The following PPIG variants were observed in gnomAD, a reference collection of about 807,000 sequenced individuals.
PPIG encodes the protein peptidyl-prolyl cis-trans isomerase G.
Under a neutral mutation model 87.9 loss-of-function variants are expected in PPIG, and 26 were observed. That is an observed-to-expected ratio of 0.30 (90% CI 0.22 to 0.41). The LOEUF (loss-of-function observed/expected upper bound fraction) is 0.41. PPIG is among the 10% of genes least tolerant of loss of function. The pLI is 1.00. For synonymous variants in PPIG, 308 were observed against 276.5 expected, an observed-to-expected ratio of 1.11 and a Z score of -1.13; for missense variants, 722 against 879.4, an observed-to-expected ratio of 0.82 and a Z score of 2.26.
chr2:169,591,501 G>A (rs1026116612), intron 1 of PPIG, among the ~76,000 whole-genome samples: 1 of 152,034 alleles, frequency 6.6e-6, no homozygotes, highest in Admixed American at 6.6e-5. Context: ...TGTGCATTTT[G>A]TATGATTAAT....
At chr2:169,620,009 T>A (rs1250093691) in intron 9 of PPIG, among the ~76,000 whole-genome samples, 1 of 152,178 alleles carries the variant, frequency 6.6e-6, no homozygotes, top group Non-Finnish European at 1.5e-5. Flanking sequence ...TTTGCAAATA[T>A]TTTCTCCCAT....
chr2:169,621,590 T>G (rs1685753542), intron 9 of PPIG, among the ~76,000 whole-genome samples: 1 of 152,074 alleles, frequency 6.6e-6, no homozygotes, highest in Admixed American at 6.5e-5. Context: ...AAATCTGTAA[T>G]GATGTTTGTT....
rs552776677 is a variant in PPIG, at chr2:169,636,624, G to A, written c.1366G>A (p.Ala456Thr). ...GTATAAAAACAAAGTGAAGAAAAGG[G>A]CCAAATCTAAAAGTAGGAGTAAGAG... ...DKYKNKVKKR[A>T]KSKSRSKSKE... Residue 456 changes from alanine (A) to threonine (T), a missense_variant, in exon 14 of 14, where the codon GCC becomes ACC. By Grantham distance (58) the Ala-to-Thr change is moderately conservative (BLOSUM62 0). Around this residue, in one of 4 missense-constraint regions of PPIG, gnomAD observed 476 missense variants for 483.1 expected, o/e 0.99. Coordinates refer to ENST00000260970, the MANE Select transcript of PPIG (RefSeq NM_004792.3). The A allele has an allele frequency of 6.3e-7, 1 of 1,594,306 alleles. No individual in the cohort carries two copies. Among genetic ancestry groups the A allele is most frequent in the East Asian group, 2.2e-5 (1 of 44,732 alleles).
chr2:169,610,972 G>A (rs920748154), intron 7 of PPIG, among the ~76,000 whole-genome samples: 4 of 152,150 alleles, frequency 2.6e-5, no homozygotes, highest in East Asian at 1.9e-4. Context: ...TTGGGAAGCC[G>A]AGGTGGCGGG....
intron 12 of PPIG, among the ~76,000 whole-genome samples, chr2:169,635,403 T>G (rs1053756165): frequency 2.0e-5 from 3 of 152,232 alleles, no homozygotes; most frequent in Non-Finnish European, 4.4e-5. Context: ...ATGTTTCTTC[T>G]TAACTCAGAA....
chr2:169,587,046 G>T (rs937279299), intron 1 of PPIG, among the ~76,000 whole-genome samples: 1 of 151,984 alleles, frequency 6.6e-6, no homozygotes, highest in African/African-American at 2.4e-5. Context: ...GGATTCTCAC[G>T]CCTCAGCCTC....
At chr2:169,634,313 C>T (rs1417948878) in intron 12 of PPIG, among the ~76,000 whole-genome samples, 3 of 152,154 alleles carry the variant, frequency 2.0e-5, no homozygotes, top group East Asian at 3.9e-4. Context: ...CTGCCTGCCT[C>T]AGCCTCCCAA....
At chr2:169,600,686 A>G (rs904691852) in intron 1 of PPIG, among the ~76,000 whole-genome samples, 1 of 151,798 alleles carries the variant, frequency 6.6e-6, no homozygotes, top group African/African-American at 2.4e-5. Context: ...ATAAGAAAAA[A>G]GAAAAAAATA....
In PPIG at chr2:169,636,207, A is replaced by G. The variant is rs1237608193; in HGVS notation, c.1133A>G (p.Glu378Gly). 6.2e-7 allele frequency: 1 copy of G among 1,607,186 alleles called. No individual in the cohort carries two copies. The highest frequency in any genetic ancestry group is 1.7e-4 in the Middle Eastern group (1 of 6,034). Residue 378 changes from glutamate to glycine, a missense_variant, in exon 13 of 14, where the codon GAA (glutamate) becomes GGA (glycine). Around this residue, in one of 4 missense-constraint regions of PPIG, gnomAD observed 476 missense variants for 483.1 expected, o/e 0.99. Coordinates refer to ENST00000260970, the MANE Select transcript of PPIG (RefSeq NM_004792.3). Reference protein sequence around the residue: ...RAQRMRVSSGERWIKGDKSEL... With the variant: ...RAQRMRVSSGGRWIKGDKSEL... ...CAAAGAATGAGGGTATCAAGTGGTG[A>G]AAGATGGATCAAGGGGGATAAGTAA... is the stretch of plus-strand genomic sequence containing the variant.
chr2:169,589,966 G>A (rs1684814866), intron 1 of PPIG, among the ~76,000 whole-genome samples: 2 of 151,898 alleles, frequency 1.3e-5, no homozygotes, highest in African/African-American at 2.4e-5. Context: ...AAAATTAGCC[G>A]GGTGTGCTGG....
At chr2:169,587,541 T>G (rs1472399500) in intron 1 of PPIG, among the ~76,000 whole-genome samples, 1 of 152,082 alleles carries the variant, frequency 6.6e-6, no homozygotes, top group Non-Finnish European at 1.5e-5. Context: ...TGCCCAGACC[T>G]TTTTGCTTTT....
chr2:169,623,556 C>T (rs1364338818), intron 9 of PPIG, among the ~76,000 whole-genome samples: 3 of 152,126 alleles, frequency 2.0e-5, no homozygotes, highest in Admixed American at 1.3e-4. Flanking sequence ...GGCAGATTGC[C>T]TGACAATACA....
At chr2:169,617,701 T>A (rs751267142) in intron 9 of PPIG, among the ~76,000 whole-genome samples, 1 of 152,204 alleles carries the variant, frequency 6.6e-6, no homozygotes, top group Non-Finnish European at 1.5e-5. Context: ...GCACATTGAT[T>A]TTGTATCCGG....
At chr2:169,590,680 C>T (rs926111323) in intron 1 of PPIG, among the ~76,000 whole-genome samples, 28 of 152,088 alleles carry the variant, frequency 1.8e-4, no homozygotes, top group Admixed American at 1.4e-3. Flanking sequence ...AGAGAGTCAG[C>T]GTGAAGTTCC....
chr2:169,624,398 A>G (rs1203582146), intron 9 of PPIG, among the ~76,000 whole-genome samples: 2 of 152,212 alleles, frequency 1.3e-5, no homozygotes, highest in Admixed American at 6.5e-5. Context: ...TGCGTAATCT[A>G]AACTAATTAA....
At chr2:169,584,718 CG>C in intron 1 of PPIG, 1 of 317,736 alleles carries the variant, frequency 3.1e-6, no homozygotes, top group Non-Finnish European at 6.0e-6. Context: ...AGTCGAGCCC[CG>C]GGGCCTGGGG....
chr2:169,599,209 T>C (rs1375649430), intron 1 of PPIG, among the ~76,000 whole-genome samples: 1 of 152,174 alleles, frequency 6.6e-6, no homozygotes, highest in African/African-American at 2.4e-5. Flanking sequence ...TTTTTATTTT[T>C]GTCAATCCAA....
At chr2:169,590,511 G>A (rs1291785347) in intron 1 of PPIG, among the ~76,000 whole-genome samples, 1 of 151,960 alleles carries the variant, frequency 6.6e-6, no homozygotes, top group Non-Finnish European at 1.5e-5. Context: ...GCGTGGTGGC[G>A]GGTGCCTGTA....
chr2:169,617,651 CTCTG>C (rs1187420049), intron 9 of PPIG, among the ~76,000 whole-genome samples: 6 of 151,980 alleles, frequency 3.9e-5, no homozygotes, highest in East Asian at 1.9e-4. Flanking sequence ...TGATTTGACT[CTCTG>C]TCTGTTATTG....
Sources: gnomAD v4.1 joint callset for allele counts (sites outside exome capture counted in the v4.1 genomes callset) on GRCh38, gnomAD v4.1.1 for gene constraint, gnomAD v4.1.1 regional missense constraint, MANE v1.5 for transcripts, NCBI Gene and HGNC (gene_info 2026-07-23, HGNC 2026-07-21) for gene names.